LYRM4: variants seen among roughly 807,000 people sequenced by gnomAD.
LYRM4 encodes the protein LYR motif containing 4.
LYRM4 carries 9 observed loss-of-function variants against 11.7 expected under a neutral mutation model. The ratio of observed to expected loss-of-function variants is 0.77; its 90% CI spans 0.46 to 1.34. The LOEUF is 1.34. LYRM4 is among the 40% of genes most tolerant of loss of function. LYRM4 has a pLI of 0.00. For synonymous variants in LYRM4, 42 were observed against 40.4 expected (o/e 1.04, Z -0.15); for missense variants, 133 against 112.5 (o/e 1.18, Z -0.82).
intron 1 of LYRM4, among the ~76,000 whole-genome samples, chr6:5,234,688 A>G (rs1763435507): frequency 6.6e-6 from 1 of 152,212 alleles, no homozygotes; most frequent in Non-Finnish European, 1.5e-5. Context: ...AGGAAAGATA[A>G]AAATATCGAA....
In LYRM4 at chr6:5,109,057, T is replaced by C; in HGVS notation, c.*366A>G. 9.7e-7 allele frequency: 1 copy of C among 1,026,610 alleles called. No homozygotes were observed. Among genetic ancestry groups the C allele is most frequent in the African/African-American group, 1.7e-5 (1 of 59,130 alleles). 63.6% of individuals were successfully genotyped at this position (1,026,610 alleles called of 1,614,324 possible). A position where few individuals can be genotyped will look rare whatever the true frequency, so the allele number is the denominator to read the frequency against. Reference sequence around the variant, plus strand: ...AAATGCATTAATTGGGAGGGGTTTATCTGGGGTCAAAGGCTCAGGGAGATC... The same window carrying C: ...AAATGCATTAATTGGGAGGGGTTTACCTGGGGTCAAAGGCTCAGGGAGATC... On this transcript the variant is annotated 3_prime_UTR_variant, in exon 3 of 3. Transcript: ENST00000330636.
intron 2 of LYRM4, among the ~76,000 whole-genome samples, chr6:5,109,708 C>T (rs1420584560): frequency 6.6e-6 from 1 of 152,150 alleles, no homozygotes; most frequent in Non-Finnish European, 1.5e-5. Context: ...CACACCCATT[C>T]CTCCCCTCTG....
At chr6:5,034,925 C>G in the LYRM4 span, among the ~76,000 whole-genome samples, 1 of 151,340 alleles carries the variant, frequency 6.6e-6, no homozygotes, top group African/African-American at 2.4e-5. Context: ...GCAGGCGAGG[C>G]GAGTTTTGCA....
intron 1 of LYRM4, 78 bp downstream of exon 1, chr6:5,260,570 G>T (rs1047716333): frequency 6.6e-7 from 1 of 1,512,930 alleles, no homozygotes. Context: ...AGTCCCCGGG[G>T]ATATTCCGCG....
At chr6:5,114,233 T>A (rs1340593026) in intron 2 of LYRM4, among the ~76,000 whole-genome samples, 3 of 152,252 alleles carry the variant, frequency 2.0e-5, no homozygotes, top group African/African-American at 7.2e-5. Context: ...AAGTTTGATA[T>A]GGGAGCTACA....
chr6:5,260,791 A>G lies in LYRM4; in HGVS notation c.-58T>C, dbSNP rs1191096399. On this transcript the variant is annotated 5_prime_UTR_variant, in exon 1 of 3. Transcript: ENST00000330636. Reference sequence around the variant, plus strand: ...TCGCCGAGGTCCCAAGTACGACCCAACCCACGAAACTCCAGCCTGTGCGGA... The same window carrying G: ...TCGCCGAGGTCCCAAGTACGACCCAGCCCACGAAACTCCAGCCTGTGCGGA... 2 of 1,533,914 alleles carry G rather than the reference A, an allele frequency of 1.3e-6. No homozygotes were observed. The highest frequency in any genetic ancestry group is 1.7e-6 in the Non-Finnish European group (2 of 1,145,722).
At chr6:5,234,093 C>A (rs1372232157) in intron 1 of LYRM4, among the ~76,000 whole-genome samples, 1 of 152,124 alleles carries the variant, frequency 6.6e-6, no homozygotes, top group Non-Finnish European at 1.5e-5. Flanking sequence ...TGAAAACAGT[C>A]TATACAATGT....
chr6:5,066,290 T>C, the LYRM4 span: 1 of 722,400 alleles, frequency 1.4e-6, no homozygotes, highest in Non-Finnish European at 2.6e-6. Context: ...TGGAATTCTT[T>C]TTTACCAATA....
intron 2 of LYRM4, among the ~76,000 whole-genome samples, chr6:5,178,511 G>A (rs897664010): frequency 1.3e-5 from 2 of 150,886 alleles, no homozygotes; most frequent in Non-Finnish European, 1.5e-5. Flanking sequence ...GGTGGAGCGG[G>A]GAATGAAAAA....
the LYRM4 span, chr6:5,086,395 C>T: frequency 6.5e-7 from 1 of 1,536,278 alleles, no homozygotes; most frequent in Non-Finnish European, 8.7e-7. Context: ...CCACTTCTCG[C>T]TGTGCCTGCC....
At chr6:5,223,384 T>A (rs1229417615) in intron 1 of LYRM4, among the ~76,000 whole-genome samples, 3 of 152,122 alleles carry the variant, frequency 2.0e-5, no homozygotes, top group Non-Finnish European at 4.4e-5. Flanking sequence ...CTCAGAGAGA[T>A]TTCAAAAATG....
intron 1 of LYRM4, among the ~76,000 whole-genome samples, chr6:5,228,751 A>G (rs1763047078): frequency 6.6e-6 from 1 of 151,812 alleles, no homozygotes; most frequent in Non-Finnish European, 1.5e-5. Flanking sequence ...CTGTAATCCC[A>G]GCACTTTGGG....
intron 1 of LYRM4, among the ~76,000 whole-genome samples, chr6:5,245,130 A>G (rs1339369695): frequency 6.0e-5 from 4 of 67,058 alleles, no homozygotes; most frequent in South Asian, 5.8e-4. Context: ...ATATATATAT[A>G]TATATATATA....
At chr6:5,151,838 A>T (rs1758106645) in intron 2 of LYRM4, among the ~76,000 whole-genome samples, 1 of 152,234 alleles carries the variant, frequency 6.6e-6, no homozygotes, top group African/African-American at 2.4e-5. Context: ...TCTTTAGGGC[A>T]CAGAGGGAGG....
At chr6:5,161,230 C>T (rs1758740684) in intron 2 of LYRM4, among the ~76,000 whole-genome samples, 1 of 151,970 alleles carries the variant, frequency 6.6e-6, no homozygotes, top group African/African-American at 2.4e-5. Flanking sequence ...GAATTAGAAC[C>T]AGGTTGGAGG....
At chr6:5,066,760 C>T in the LYRM4 span, 6 of 743,246 alleles carry the variant, frequency 8.1e-6, no homozygotes, top group South Asian at 1.6e-5. Context: ...CGATTGGTTA[C>T]GTAACGCTTA....
chr6:5,208,805 A>G (rs1415642166), intron 2 of LYRM4, among the ~76,000 whole-genome samples: 1 of 152,222 alleles, frequency 6.6e-6, no homozygotes, highest in Non-Finnish European at 1.5e-5. Flanking sequence ...ATAGCTGCAG[A>G]GGAATTATAT....
intron 2 of LYRM4, among the ~76,000 whole-genome samples, chr6:5,177,070 C>A (rs1186662808): frequency 6.6e-6 from 1 of 152,114 alleles, no homozygotes; most frequent in Non-Finnish European, 1.5e-5. Context: ...CTTGAGAATG[C>A]CAATAGGAAG....
chr6:5,108,585 A>C lies in LYRM4; in HGVS notation c.*838T>G. 2.9e-6 allele frequency: 1 copy of C among 350,430 alleles called. No homozygotes were observed. Among genetic ancestry groups the C allele is most frequent in the Non-Finnish European group, 4.0e-6 (1 of 249,316 alleles). The allele number at this position is 350,430 out of a possible 1,614,324, so 21.7% of individuals were successfully genotyped here. ...AATCTGCAGAGAGGGAAGTGCTGAG[A>C]GATGTCTTTTTAAAAAGCTCTCCAA... On this transcript the variant is annotated 3_prime_UTR_variant, in exon 3 of 3. Transcript: ENST00000330636.
Sources: gnomAD v4.1 joint callset for allele counts (sites outside exome capture counted in the v4.1 genomes callset) on GRCh38, gnomAD v4.1.1 for gene constraint, MANE v1.5 for transcripts, NCBI Gene and HGNC (gene_info 2026-07-23, HGNC 2026-07-21) for gene names.